RAPH1: variants seen among roughly 807,000 people sequenced by gnomAD.
RAPH1 encodes the protein Ras association (RalGDS/AF-6) and pleckstrin homology domains 1.
A neutral mutation model predicts 88.1 loss-of-function variants in RAPH1; 18 were observed. The ratio of observed to expected loss-of-function variants is 0.20; its 90% confidence interval spans 0.14 to 0.30. The LOEUF (loss-of-function observed/expected upper bound fraction) is 0.30. Ranked by LOEUF, RAPH1 falls within the 10% of genes least tolerant of loss-of-function variation. RAPH1 has a pLI of 1.00. For synonymous variants in RAPH1, 587 were observed against 559.0 expected, an observed-to-expected ratio of 1.05 and a Z score of -0.71; for missense variants, 1,448 against 1,543.2, an observed-to-expected ratio of 0.94 and a Z score of 1.03.
intron 1 of RAPH1, among the ~76,000 whole-genome samples, chr2:203,517,438 C>G (rs1689668267): frequency 6.7e-6 from 1 of 148,686 alleles, no homozygotes; most frequent in Non-Finnish European, 1.5e-5. Context: ...GAATACCTCT[C>G]TATCAGAAAT....
chr2:203,439,228 T>C lies in RAPH1; in HGVS notation c.*209A>G. On this transcript the variant is annotated 3_prime_UTR_variant, in exon 14 of 14. Transcript: ENST00000319170. ...AATAACTCTCAGCTCTCTCTCTATATACACATACACATACATATATGTATA... is the reference window on the plus strand; with the variant it reads ...AATAACTCTCAGCTCTCTCTCTATACACACATACACATACATATATGTATA... 1 of 531,702 alleles carries C rather than the reference T, an allele frequency of 1.9e-6. No homozygotes were observed. Among genetic ancestry groups the C allele is most frequent in the Admixed American group, 3.1e-5 (1 of 32,092 alleles). 32.9% of individuals were successfully genotyped at this position (531,702 alleles called of 1,614,324 possible). A position where few individuals can be genotyped will look rare whatever the true frequency, so the allele number is the denominator to read the frequency against.
intron 4 of RAPH1, among the ~76,000 whole-genome samples, chr2:203,474,759 C>T (rs547156473): frequency 7.2e-4 from 109 of 152,216 alleles, no homozygotes; most frequent in African/African-American, 2.5e-3. Context: ...ATGAAATTAA[C>T]GTTATTAGTA....
At chr2:203,465,477 G>T (rs1414168672) in intron 4 of RAPH1, among the ~76,000 whole-genome samples, 1 of 152,232 alleles carries the variant, frequency 6.6e-6, no homozygotes, top group African/African-American at 2.4e-5. Context: ...GTTGCCAGGG[G>T]TTAAGAAGGA....
intron 4 of RAPH1, among the ~76,000 whole-genome samples, chr2:203,471,961 G>T (rs989893447): frequency 6.6e-6 from 1 of 152,002 alleles, no homozygotes; most frequent in African/African-American, 2.4e-5. Flanking sequence ...CCTCCTAAAG[G>T]TAAGACTGAT....
intron 1 of RAPH1, among the ~76,000 whole-genome samples, chr2:203,520,748 G>A (rs1319446027): frequency 6.6e-6 from 1 of 152,160 alleles, no homozygotes; most frequent in East Asian, 1.9e-4. Flanking sequence ...AAAATAGTGT[G>A]ATAAAACCAG....
intron 1 of RAPH1, among the ~76,000 whole-genome samples, chr2:203,500,590 G>C (rs1452970103): frequency 6.6e-6 from 1 of 152,158 alleles, no homozygotes; most frequent in African/African-American, 2.4e-5. Flanking sequence ...AAGATCTACT[G>C]AATACTAATG....
At chr2:203,516,808 C>T (rs904697637) in intron 1 of RAPH1, among the ~76,000 whole-genome samples, 5 of 151,908 alleles carry the variant, frequency 3.3e-5, no homozygotes, top group African/African-American at 9.7e-5. Context: ...CCAAGGCAGG[C>T]GGATCATGAC....
At chr2:203,525,196 G>GT (rs1690058920) in intron 1 of RAPH1, among the ~76,000 whole-genome samples, 2 of 151,976 alleles carry the variant, frequency 1.3e-5, no homozygotes, top group Admixed American at 6.5e-5. Flanking sequence ...CTTCTTTTTT[G>GT]TTTTTTTGAG....
chr2:203,487,867 G>A (rs1688045317), intron 4 of RAPH1, among the ~76,000 whole-genome samples: 1 of 151,866 alleles, frequency 6.6e-6, no homozygotes. Context: ...ACAAAGCTAC[G>A]CACATGGGTG....
At position 203,516,558 on chromosome 2, in the gene RAPH1, G is replaced by A. The variant is rs188054929; in HGVS notation, c.-1+18553C>T. Among the ~76,000 whole-genome samples the A allele has an allele frequency of 5.5e-3, 832 of 152,170 alleles. 9 individuals carry two copies. The highest frequency in any genetic ancestry group is 0.019 in the African/African-American group (783 of 41,504). On this transcript the variant is annotated intron_variant, in intron 1 of 13. Coordinates refer to ENST00000319170, the MANE Select transcript of RAPH1 (RefSeq NM_213589.3). ...CAGGCCAGGAGTTTGAGACCGGCCTGGCCAACATGGTGAAACCCCGTCTCT... is the reference window on the plus strand; with the variant it reads ...CAGGCCAGGAGTTTGAGACCGGCCTAGCCAACATGGTGAAACCCCGTCTCT...
Position 203,457,532 on chromosome 2 carries a change from C to G in RAPH1, c.1156G>C (p.Glu386Gln), listed in dbSNP as rs943246250. ...CAGGAAAATGGGGGTTGTCATACCT[C>G]CAAGAGGACTTCTTTGTTTCTATCT... ...MADRNKEVLL[E>Q]ECFCGSSVTV... The change falls in exon 8 of 14, where the codon GAG becomes CAG. Residue 386 changes from glutamate (E) to glutamine (Q), a missense_variant and splice_region_variant. Glu to Gln is a conservative substitution (Grantham distance 29). Coordinates refer to ENST00000319170, the MANE Select transcript of RAPH1 (RefSeq NM_213589.3). 2 of 1,611,542 alleles carry G rather than the reference C, an allele frequency of 1.2e-6. No homozygotes were observed. The highest frequency in any genetic ancestry group is 2.7e-5 in the African/African-American group (2 of 74,830).
In RAPH1 at chr2:203,434,730, A is replaced by C. The variant is rs2098497048; in HGVS notation, c.*4707T>G. 2 of 152,432 alleles carry C rather than the reference A, an allele frequency of 1.3e-5. No homozygotes were observed. The highest frequency in any genetic ancestry group is 1.3e-4 in the Admixed American group (2 of 15,286). The allele number at this position is 152,432 out of a possible 1,614,324, so 9.4% of individuals were successfully genotyped here. A position where few individuals can be genotyped will look rare whatever the true frequency, so the allele number is the denominator to read the frequency against. Reference sequence around the variant, plus strand: ...TACTGCCTAAGACGTTGAGGCTGCAACAATCATGAGCTTGGTATTAGTAGC... The same window carrying C: ...TACTGCCTAAGACGTTGAGGCTGCACCAATCATGAGCTTGGTATTAGTAGC... On this transcript the variant is annotated 3_prime_UTR_variant, in exon 14 of 14. Transcript: ENST00000319170.
chr2:203,495,173 A>G, intron 2 of RAPH1, 61 bp downstream of exon 2: 1 of 1,598,070 alleles, frequency 6.3e-7, no homozygotes, highest in Non-Finnish European at 8.6e-7. Flanking sequence ...TCTTCTGCAC[A>G]TTAAACTTTT....
At chr2:203,458,386 A>C (rs1360850064) in intron 7 of RAPH1, among the ~76,000 whole-genome samples, 1 of 152,068 alleles carries the variant, frequency 6.6e-6, no homozygotes, top group Admixed American at 6.5e-5. Flanking sequence ...ACAAACAAAC[A>C]AAAAAATCAA....
chr2:203,490,872 A>C (rs979940735), intron 3 of RAPH1, among the ~76,000 whole-genome samples: 1 of 151,998 alleles, frequency 6.6e-6, no homozygotes, highest in South Asian at 2.1e-4. Context: ...GTGAAACCCT[A>C]TCTCTACTTA....
chr2:203,521,732 C>T (rs549531399), intron 1 of RAPH1, among the ~76,000 whole-genome samples: 1 of 151,778 alleles, frequency 6.6e-6, no homozygotes, highest in East Asian at 1.9e-4. Flanking sequence ...AAGAGAACAC[C>T]CCCCCACACA....
intron 1 of RAPH1, among the ~76,000 whole-genome samples, chr2:203,524,003 C>T (rs1690006903): frequency 1.3e-5 from 2 of 151,486 alleles, no homozygotes; most frequent in South Asian, 4.2e-4. Flanking sequence ...GACTCTGTCT[C>T]AAAAGTAAAA....
At chr2:203,518,714 A>T (rs980557091) in intron 1 of RAPH1, among the ~76,000 whole-genome samples, 1 of 151,936 alleles carries the variant, frequency 6.6e-6, no homozygotes, top group Admixed American at 6.6e-5. Flanking sequence ...TGAGTATGAT[A>T]GCATGTGCCT....
chr2:203,515,649 C>T (rs1320169930), intron 1 of RAPH1, among the ~76,000 whole-genome samples: 1 of 152,188 alleles, frequency 6.6e-6, no homozygotes, highest in Non-Finnish European at 1.5e-5. Context: ...GTAGTTCCAT[C>T]AACTTACCTA....
Sources: allele counts gnomAD v4.1 joint callset (sites outside exome capture counted in the v4.1 genomes callset), GRCh38; gene constraint gnomAD v4.1.1; transcripts MANE v1.5; gene names NCBI Gene and HGNC (gene_info 2026-07-23, HGNC 2026-07-21).